TAFA1: variants seen among roughly 807,000 people sequenced by gnomAD.
The protein encoded by TAFA1 is chemokine-like protein TAFA-1.
A neutral mutation model predicts 18.5 loss-of-function variants in TAFA1; 4 were observed. That is an observed-to-expected ratio of 0.22 (90% CI 0.11 to 0.49). The LOEUF (loss-of-function observed/expected upper bound fraction) is 0.49. Ranked by LOEUF, TAFA1 falls within the 20% of genes least tolerant of loss-of-function variation. The pLI is 0.98. For missense variants in TAFA1, 147 were observed against 169.0 expected, an observed-to-expected ratio of 0.87 and a Z score of 0.72; for synonymous variants, 56 against 55.2, an observed-to-expected ratio of 1.01 and a Z score of -0.06.
intron 3 of TAFA1, among the ~76,000 whole-genome samples, chr3:68,505,138 A>G (rs1004964625): frequency 1.1e-4 from 16 of 152,162 alleles, no homozygotes; most frequent in Admixed American, 9.2e-4. Context: ...AAACAGGGAC[A>G]AGGTTTCGGA....
At chr3:68,124,183 G>A (rs533604862) in intron 2 of TAFA1, among the ~76,000 whole-genome samples, 1 of 152,150 alleles carries the variant, frequency 6.6e-6, no homozygotes, top group African/African-American at 2.4e-5. Flanking sequence ...TAAATGTGCT[G>A]GCTGTAAGCC....
chr3:68,307,202 A>G (rs2068437599), intron 2 of TAFA1, among the ~76,000 whole-genome samples: 1 of 152,196 alleles, frequency 6.6e-6, no homozygotes, highest in Non-Finnish European at 1.5e-5. Context: ...TTCTAAGACC[A>G]AAGTCCATTT....
At chr3:68,113,991 G>A (rs1388846447) in intron 2 of TAFA1, among the ~76,000 whole-genome samples, 5 of 140,478 alleles carry the variant, frequency 3.6e-5, no homozygotes, top group African/African-American at 1.3e-4. Context: ...TGCAACCTCC[G>A]CCTCCTGGAT....
intron 2 of TAFA1, among the ~76,000 whole-genome samples, chr3:68,120,668 G>C (rs578252959): frequency 6.6e-6 from 1 of 152,242 alleles, no homozygotes; most frequent in African/African-American, 2.4e-5. Flanking sequence ...TGAAGAGAAA[G>C]CACTACCTAA....
rs564719474 is a variant in TAFA1 at position 68,410,695 on chromosome 3, T to C, written c.119-6585T>C. Among the ~76,000 whole-genome samples the C allele has an allele frequency of 1.7e-4, 13 of 75,504 alleles. 1 individual carries two copies. The South Asian group carries it at 4.4e-3, about 26-fold the overall frequency. 49.5% of individuals were successfully genotyped at this position (75,504 alleles called of 152,430 possible). A position where few individuals can be genotyped will look rare whatever the true frequency, so the allele number is the denominator to read the frequency against. ...GGGTGAAATCCAAAAAAGAGACCAT[T>C]TTCCATAAGCAAAAAAAAAAAAAAA... On this transcript the variant is annotated intron_variant, in intron 2 of 4. Coordinates refer to ENST00000478136, the MANE Select transcript of TAFA1 (RefSeq NM_213609.4).
intron 3 of TAFA1, among the ~76,000 whole-genome samples, chr3:68,505,825 C>G (rs1321055680): frequency 2.0e-5 from 3 of 151,942 alleles, no homozygotes; most frequent in Non-Finnish European, 2.9e-5. Flanking sequence ...AAGAAGGAGT[C>G]TTATACAATA....
chr3:68,332,509 G>T (rs1265351465), intron 2 of TAFA1, among the ~76,000 whole-genome samples: 1 of 152,170 alleles, frequency 6.6e-6, no homozygotes, highest in Non-Finnish European at 1.5e-5. Context: ...TGCAAACCAT[G>T]TATTGGACAA....
chr3:68,341,571 A>G (rs966247060), intron 2 of TAFA1, among the ~76,000 whole-genome samples: 4 of 152,206 alleles, frequency 2.6e-5, no homozygotes, highest in Non-Finnish European at 4.4e-5. Flanking sequence ...GTCCCCAGGA[A>G]AGAAGGGTGT....
At chr3:68,010,906 T>C (rs1222582128) in intron 2 of TAFA1, among the ~76,000 whole-genome samples, 1 of 152,108 alleles carries the variant, frequency 6.6e-6, no homozygotes, top group Non-Finnish European at 1.5e-5. Context: ...AAAGACACAC[T>C]AAAAAATGAA....
chr3:68,379,075 G>A (rs936891635), intron 2 of TAFA1, among the ~76,000 whole-genome samples: 5 of 152,098 alleles, frequency 3.3e-5, no homozygotes, highest in Non-Finnish European at 5.9e-5. Flanking sequence ...AGTTTTTTGA[G>A]GAATCACCAC....
At chr3:68,363,759 A>G (rs1428626669) in intron 2 of TAFA1, among the ~76,000 whole-genome samples, 3 of 152,206 alleles carry the variant, frequency 2.0e-5, no homozygotes, top group Admixed American at 2.0e-4. Flanking sequence ...CTTGCCTGGA[A>G]TAACCAATGA....
Position 68,117,280 on chromosome 3 carries a change from C to T in TAFA1, c.118+110536C>T, listed in dbSNP as rs561144016. On this transcript the variant is annotated intron_variant, in intron 2 of 4. Coordinates refer to ENST00000478136, the MANE Select transcript of TAFA1 (RefSeq NM_213609.4). ...ATATGGGAAGATATGAATCAATTTA[C>T]GCAAAACTTCTCAGGAGCACATTAA... Among the ~76,000 whole-genome samples the T allele has an allele frequency of 6.6e-5, 10 of 152,218 alleles. No homozygotes were observed. In the South Asian group the frequency reaches 1.9e-3, roughly 28 times the overall value.
chr3:68,164,956 T>C (rs2065966273), intron 2 of TAFA1, among the ~76,000 whole-genome samples: 2 of 152,178 alleles, frequency 1.3e-5, no homozygotes, highest in Non-Finnish European at 2.9e-5. Context: ...GTTATGTATA[T>C]GCCTATATTT....
chr3:68,145,672 G>C, intron 2 of TAFA1: 7 of 925,342 alleles, frequency 7.6e-6, no homozygotes, highest in Non-Finnish European at 1.3e-5. Flanking sequence ...TCAGAATCCT[G>C]TATACTGACA....
In TAFA1 at chr3:68,035,671, C is replaced by A. The variant is rs141121720; in HGVS notation, c.118+28927C>A. ...CATTTACTTTACGATGCAGAAATCCCACTTCTGAGTATTCGCCCAAAAGAA... is the reference window on the plus strand; with the variant it reads ...CATTTACTTTACGATGCAGAAATCCAACTTCTGAGTATTCGCCCAAAAGAA... On this transcript the variant is annotated intron_variant, in intron 2 of 4. Transcript: ENST00000478136. 2.1e-3 allele frequency among the ~76,000 whole-genome samples: 324 copies of A among 152,290 alleles called. 1 individual carries two copies. Among genetic ancestry groups the A allele is most frequent in the African/African-American group, 7.4e-3 (307 of 41,564 alleles).
At chr3:68,428,710 A>T (rs1362981223) in intron 3 of TAFA1, among the ~76,000 whole-genome samples, 2 of 151,944 alleles carry the variant, frequency 1.3e-5, no homozygotes, top group African/African-American at 4.8e-5. Context: ...CATTTTAATA[A>T]TTGAGGGTAA....
intron 2 of TAFA1, among the ~76,000 whole-genome samples, chr3:68,051,337 A>G (rs2064469014): frequency 6.6e-6 from 1 of 152,174 alleles, no homozygotes; most frequent in East Asian, 1.9e-4. Context: ...GATTCTTACT[A>G]AGAATCAGAT....
intron 2 of TAFA1, among the ~76,000 whole-genome samples, chr3:68,073,503 A>C (rs1421636330): frequency 6.6e-6 from 1 of 152,210 alleles, no homozygotes; most frequent in Non-Finnish European, 1.5e-5. Flanking sequence ...TAAACATAAG[A>C]ATAAATATAG....
chr3:68,191,423 ATT>A (rs1226699076), intron 2 of TAFA1, among the ~76,000 whole-genome samples: 1 of 151,840 alleles, frequency 6.6e-6, no homozygotes, highest in Admixed American at 6.6e-5. Flanking sequence ...AGTGAAGCTA[ATT>A]ATCTTCATAG....
Sources: gnomAD v4.1 joint callset for allele counts (sites outside exome capture counted in the v4.1 genomes callset) on GRCh38, gnomAD v4.1.1 for gene constraint, MANE v1.5 for transcripts, NCBI Gene and HGNC (gene_info 2026-07-23, HGNC 2026-07-21) for gene names.